The following DISP3 variants were observed in gnomAD, a reference collection of about 807,000 sequenced individuals.
DISP3 encodes protein dispatched homolog 3.
Under a neutral mutation model 135.3 loss-of-function variants are expected in DISP3, and 101 were observed. The observed-to-expected ratio is 0.75, with a 90% confidence interval of 0.64 to 0.88. The LOEUF is 0.88. Ranked by LOEUF, DISP3 falls within the 40% of genes least tolerant of loss-of-function variation. The pLI is 0.00. For missense variants in DISP3, 1,713 were observed against 1,878.6 expected, an observed-to-expected ratio of 0.91 and a Z score of 1.63; for synonymous variants, 856 against 817.0, an observed-to-expected ratio of 1.05 and a Z score of -0.81.
intron 4 of DISP3, 139 bp from the exon 5 acceptor site, chr1:11,515,230 C>A: frequency 7.9e-7 from 1 of 1,258,634 alleles, no homozygotes; most frequent in East Asian, 2.6e-5. Context: ...GGCCCTGTGC[C>A]TGTGCTGGGA....
At chr1:11,509,766 G>T (rs929610633) in intron 3 of DISP3, among the ~76,000 whole-genome samples, 1 of 151,918 alleles carries the variant, frequency 6.6e-6, no homozygotes, top group Non-Finnish European at 1.5e-5. Context: ...TCCTATTCGT[G>T]TCCTTATATT....
In DISP3 at chr1:11,520,982, C is replaced by T. The variant is rs1642171254; in HGVS notation, c.2362+134C>T. 1 of 1,127,898 alleles carries T rather than the reference C, an allele frequency of 8.9e-7. No homozygotes were observed. Among genetic ancestry groups the T allele is most frequent in the African/African-American group, 1.6e-5 (1 of 63,618 alleles). The allele number at this position is 1,127,898 out of a possible 1,614,324, so 69.9% of individuals were successfully genotyped here. On this transcript the variant is annotated intron_variant, in intron 10 of 20. Transcript: ENST00000294484. The surrounding 1 kb of genome is among the most constrained non-coding windows in gnomAD (Gnocchi z 4.8). ...GCAAATCCCACTCCCCTCTGAGCCC[C>T]CATGTTCCCACAGTTCATTCAACAG...
At position 11,501,328 on chromosome 1, in the gene DISP3, C is replaced by A; in HGVS notation, c.336C>A (p.Asn112Lys). Residue 112 changes from asparagine (N) to lysine (K), a missense_variant, in exon 2 of 21, where the codon AAC becomes AAA. Asn to Lys is a moderately conservative substitution (Grantham distance 94, BLOSUM62 0). Transcript: ENST00000294484. The surrounding 1 kb of genome is among the most constrained non-coding windows in gnomAD (Gnocchi z 4.9). The stretch of plus-strand genomic sequence containing the variant: ...CCTACAACGCCTTTGAGATCCGCAA[C>A]CACGAGGCCTCACAGCGTTTCGACG... ...DISYNAFEIR[N>K]HEASQRFDAL... The A allele has an allele frequency of 6.2e-7, 1 of 1,614,000 alleles. No individual in the cohort carries two copies. Among genetic ancestry groups the A allele is most frequent in the Non-Finnish European group, 8.5e-7 (1 of 1,180,012 alleles).
chr1:11,488,729 C>T (rs1283248388), intron 1 of DISP3, among the ~76,000 whole-genome samples: 1 of 152,046 alleles, frequency 6.6e-6, no homozygotes, highest in Non-Finnish European at 1.5e-5. Context: ...AGGACTGATT[C>T]TAGGACCCTG....
At chr1:11,514,918 G>A (rs2100450997) in intron 4 of DISP3, among the ~76,000 whole-genome samples, 1 of 152,256 alleles carries the variant, frequency 6.6e-6, no homozygotes, top group African/African-American at 2.4e-5. Flanking sequence ...GTGTGCCCCT[G>A]GATACTAGCT....
chr1:11,493,130 C>T (rs141382795), intron 1 of DISP3, among the ~76,000 whole-genome samples: 151 of 152,276 alleles, frequency 9.9e-4, no homozygotes, highest in African/African-American at 3.5e-3. Flanking sequence ...CCAAGATCTG[C>T]AGGCAGCAAG....
chr1:11,509,630 A>G (rs1469900921), intron 3 of DISP3, among the ~76,000 whole-genome samples: 2 of 152,196 alleles, frequency 1.3e-5, no homozygotes, highest in Non-Finnish European at 2.9e-5. Context: ...TTTTGAAATT[A>G]TCTTCTTTGC....
intron 3 of DISP3, among the ~76,000 whole-genome samples, chr1:11,508,783 T>C (rs1232197607): frequency 6.6e-6 from 1 of 152,208 alleles, no homozygotes; most frequent in Non-Finnish European, 1.5e-5. Flanking sequence ...CTTTGAGTTA[T>C]AGACAATCCA....
intron 1 of DISP3, among the ~76,000 whole-genome samples, chr1:11,484,398 G>A (rs1408352765): frequency 3.9e-5 from 6 of 152,198 alleles, no homozygotes; most frequent in Non-Finnish European, 8.8e-5. Flanking sequence ...ATGGGCAGCG[G>A]CAGGCTATTT....
chr1:11,498,862 TACACTGCCTGCCCTAAATCTTACAATTG>T (rs1300450321), intron 1 of DISP3, among the ~76,000 whole-genome samples: 1 of 152,174 alleles, frequency 6.6e-6, no homozygotes, highest in Non-Finnish European at 1.5e-5. Flanking sequence ...TCATCAAAGT[TACACTGCCTGCCCTAAATCTTACAATTG>T]GGATTTGCAC....
At position 11,536,624 on chromosome 1, in the gene DISP3, G is replaced by A; in HGVS notation, c.4117G>A (p.Ala1373Thr). 1.9e-6 allele frequency: 3 copies of A among 1,607,170 alleles called. No homozygotes were observed. The highest frequency in any genetic ancestry group is 2.5e-6 in the Non-Finnish European group (3 of 1,178,076). ...GCTGGCAGGGGCCCTGGGGCTGGGT[G>A]CCTGCCTCGTGCTCCTGCAGAGCGG... is the stretch of plus-strand genomic sequence containing the variant. ...VLLAGALGLG[A>T]CLVLLQSGYK... The change falls in exon 21 of 21, where the codon GCC becomes ACC. Residue 1373 changes from alanine to threonine, a missense_variant. Physicochemically the swap from Ala to Thr is moderately conservative, Grantham distance 58. Coordinates refer to ENST00000294484, the MANE Select transcript of DISP3 (RefSeq NM_020780.2). The surrounding 1 kb of genome is among the most constrained non-coding windows in gnomAD (Gnocchi z 4.3).
At position 11,501,505 on chromosome 1, in the gene DISP3, C is replaced by A; in HGVS notation, c.513C>A (p.Ala171=). The A allele has an allele frequency of 1.2e-6, 2 of 1,606,258 alleles. No individual in the cohort carries two copies. The highest frequency in any genetic ancestry group is 1.7e-6 in the Non-Finnish European group (2 of 1,176,182). ...ACCGCTCGCGGCAAGCCTCCCGAGC[C>A]CCCCGCGTCATCCCCGCGGCCTCAC... ...LGNRSRQASR[A]PRVIPAASLG... The change falls in exon 2 of 21, where the codon GCC becomes GCA. Residue 171 remains alanine (A), a synonymous_variant. Transcript: ENST00000294484. The surrounding 1 kb of genome is among the most constrained non-coding windows in gnomAD (Gnocchi z 4.9).
At chr1:11,493,782 C>G (rs922391387) in intron 1 of DISP3, among the ~76,000 whole-genome samples, 9 of 152,076 alleles carry the variant, frequency 5.9e-5, no homozygotes, top group African/African-American at 2.2e-4. Context: ...CACCCAGAAT[C>G]ATGTTTGGCC....
chr1:11,503,125 G>A (rs868503576), intron 3 of DISP3, among the ~76,000 whole-genome samples: 2 of 152,192 alleles, frequency 1.3e-5, no homozygotes, highest in South Asian at 2.1e-4. Context: ...GGCCAGGTAG[G>A]AAATCCTAGA....
intron 20 of DISP3, 42 bp downstream of exon 20, chr1:11,535,686 G>T: frequency 6.3e-7 from 1 of 1,582,628 alleles, no homozygotes; most frequent in South Asian, 1.1e-5. Context: ...ACCACATTGG[G>T]TCTTCTCCCA....
chr1:11,506,650 C>T (rs1641713749), intron 3 of DISP3, among the ~76,000 whole-genome samples: 1 of 151,964 alleles, frequency 6.6e-6, no homozygotes, highest in African/African-American at 2.4e-5. Flanking sequence ...CCACATTTTC[C>T]TCTCTGTTCT....
chr1:11,483,047 C>T lies in DISP3; in HGVS notation c.-4+3675C>T, dbSNP rs1191802335. 2.6e-5 allele frequency among the ~76,000 whole-genome samples: 4 copies of T among 152,228 alleles called. No homozygotes were observed. The highest frequency in any genetic ancestry group is 2.1e-4 in the South Asian group (1 of 4,832). Reference sequence around the variant, plus strand: ...TTTCACGGGCAGACAGTGCGGCTCACGCTGCAGCTGCCCAACAAAGGCCGG... The same window carrying T: ...TTTCACGGGCAGACAGTGCGGCTCATGCTGCAGCTGCCCAACAAAGGCCGG... On this transcript the variant is annotated intron_variant, in intron 1 of 20. Coordinates refer to ENST00000294484, the MANE Select transcript of DISP3 (RefSeq NM_020780.2). This position sits in a 1 kb window ranked among gnomAD's most constrained non-coding sequence, Gnocchi z 5.4.
intron 15 of DISP3, among the ~76,000 whole-genome samples, chr1:11,530,362 C>T (rs1642544840): frequency 6.6e-6 from 1 of 152,186 alleles, no homozygotes; most frequent in Admixed American, 6.5e-5. Context: ...GAAAGCACTG[C>T]TTGAGCCGGG....
rs1046578793 is a variant in DISP3 at position 11,515,450 on chromosome 1, T to G, written c.1535T>G (p.Ile512Ser). The change falls in exon 5 of 21, where the codon ATC becomes AGC. Residue 512 changes from isoleucine to serine, a missense_variant. Ile to Ser is a moderately radical substitution (Grantham distance 142). This residue lies in a region of DISP3 where 1,142 missense variants were observed against 1,384.6 expected (regional missense o/e 0.82). Coordinates refer to ENST00000294484, the MANE Select transcript of DISP3 (RefSeq NM_020780.2). ...TTCCTGTACCACGTGGTCTTTGGTA[T>G]CCAGTACTTGGGCATCCTGAATGGG... ...ALFLYHVVFG[I>S]QYLGILNGVA... The G allele has an allele frequency of 8.7e-6, 14 of 1,613,744 alleles. No individual in the cohort carries two copies. The highest frequency in any genetic ancestry group is 1.2e-5 in the Non-Finnish European group (14 of 1,179,770).
Sources: gnomAD v4.1 joint callset for allele counts (sites outside exome capture counted in the v4.1 genomes callset) on GRCh38, gnomAD v4.1.1 for gene constraint, gnomAD v4.1.1 regional missense constraint, Gnocchi (gnomAD v3.1) non-coding constraint, MANE v1.5 for transcripts, NCBI Gene and HGNC (gene_info 2026-07-23, HGNC 2026-07-21) for gene names.